The following APBB1IP variants were observed in gnomAD, a reference collection of about 807,000 sequenced individuals.
The protein encoded by APBB1IP is amyloid beta precursor protein binding family B member 1 interacting protein.
A neutral mutation model predicts 64.9 loss-of-function variants in APBB1IP; 27 were observed. The ratio of observed to expected loss-of-function variants is 0.42; its 90% CI spans 0.31 to 0.57. The LOEUF (loss-of-function observed/expected upper bound fraction) is 0.57. Among genes scored for constraint, APBB1IP ranks in the 20% least tolerant of loss-of-function variants. The pLI, the probability that APBB1IP is intolerant of heterozygous loss-of-function variation, is 0.20. For synonymous variants in APBB1IP, 392 were observed against 331.0 expected (o/e 1.18, Z -2.00); for missense variants, 812 against 845.5 (o/e 0.96, Z 0.49).
intron 11 of APBB1IP, among the ~76,000 whole-genome samples, chr10:26,543,466 C>CA (rs751555149): frequency 0.072 from 6,366 of 88,114 alleles, 429 homozygotes; most frequent in East Asian, 0.26. Flanking sequence ...GACTCTGTCT[C>CA]AAAAAAAAAA....
In APBB1IP at chr10:26,559,568, A is replaced by C. The variant is rs1836940183; in HGVS notation, c.1156-537A>C. ...AGCCAGGACAACTCTGCCTCTAAAA[A>C]CTTTTTTTAAAAAGATGTGCTTATG... is the stretch of plus-strand genomic sequence containing the variant. On this transcript the variant is annotated intron_variant, in intron 11 of 14. Transcript: ENST00000376236. 2.0e-5 allele frequency among the ~76,000 whole-genome samples: 3 copies of C among 151,616 alleles called. No homozygotes were observed. In the South Asian group the frequency reaches 6.2e-4, roughly 32 times the overall value.
At chr10:26,457,033 C>T (rs1349670719) in intron 2 of APBB1IP, among the ~76,000 whole-genome samples, 1 of 152,056 alleles carries the variant, frequency 6.6e-6, no homozygotes, top group Non-Finnish European at 1.5e-5. Context: ...GGCTATAGGT[C>T]AAGATAAATG....
intron 11 of APBB1IP, among the ~76,000 whole-genome samples, chr10:26,554,235 C>A (rs1190397196): frequency 6.6e-6 from 1 of 152,188 alleles, no homozygotes; most frequent in Non-Finnish European, 1.5e-5. Context: ...TAACAAACTG[C>A]TGGTAACTAG....
At chr10:26,560,059 A>C (rs778828242) in intron 11 of APBB1IP, 46 bp from the exon 12 acceptor site, 1 of 1,521,040 alleles carries the variant, frequency 6.6e-7, no homozygotes, top group East Asian at 2.3e-5. Context: ...TTGACCTCCT[A>C]ATACATGACA....
intron 13 of APBB1IP, among the ~76,000 whole-genome samples, chr10:26,561,362 C>T (rs1836970216): frequency 6.7e-6 from 1 of 149,024 alleles, no homozygotes; most frequent in Non-Finnish European, 1.5e-5. Flanking sequence ...ACCATTGCAC[C>T]TGGCCTGTTT....
chr10:26,482,093 A>C (rs533876693), intron 2 of APBB1IP, among the ~76,000 whole-genome samples: 194 of 152,134 alleles, frequency 1.3e-3, no homozygotes, highest in African/African-American at 4.5e-3. Flanking sequence ...TTTGTTTGTG[A>C]CTCACTGCAT....
chr10:26,493,600 T>C (rs1288515803), intron 3 of APBB1IP, among the ~76,000 whole-genome samples: 2 of 152,222 alleles, frequency 1.3e-5, no homozygotes, highest in Non-Finnish European at 2.9e-5. Flanking sequence ...CAACATTATA[T>C]AGTTCTGATA....
chr10:26,486,187 A>T (rs1835889140), intron 2 of APBB1IP, among the ~76,000 whole-genome samples: 1 of 152,240 alleles, frequency 6.6e-6, no homozygotes, highest in African/African-American at 2.4e-5. Flanking sequence ...TCTCCACTTC[A>T]TCATAAGCAG....
At chr10:26,541,406 A>T (rs1036556343) in intron 10 of APBB1IP, among the ~76,000 whole-genome samples, 176 bp from the exon 11 acceptor site, 4 of 152,162 alleles carry the variant, frequency 2.6e-5, no homozygotes, top group African/African-American at 9.7e-5. Flanking sequence ...TTTCCATTCC[A>T]ACCTTTCAGA....
intron 8 of APBB1IP, among the ~76,000 whole-genome samples, chr10:26,517,592 A>G (rs1408955761): frequency 2.0e-5 from 3 of 152,222 alleles, no homozygotes; most frequent in Admixed American, 6.5e-5. Context: ...GGCACAGGCC[A>G]TCACACCCGG....
Position 26,562,168 on chromosome 10 carries a change from T to C in APBB1IP, c.1370-158T>C, listed in dbSNP as rs574805622. 5.4e-5 allele frequency: 32 copies of C among 594,024 alleles called. No individual in the cohort carries two copies. In the South Asian group the frequency reaches 5.8e-4, roughly 11 times the overall value. The allele number at this position is 594,024 out of a possible 1,614,324, so 36.8% of individuals were successfully genotyped here. On this transcript the variant is annotated intron_variant, in intron 13 of 14. Transcript: ENST00000376236. ...ACCATGCCATGCCTGTGAGTTGCTC[T>C]CTTTGCTTTGTTTTTATTTTTGTTT...
intron 14 of APBB1IP, among the ~76,000 whole-genome samples, chr10:26,566,253 T>TAA (rs1415132525): frequency 6.6e-6 from 1 of 152,092 alleles, no homozygotes; most frequent in Non-Finnish European, 1.5e-5. Context: ...ACTCCATCTC[T>TAA]AAAAATATAT....
intron 4 of APBB1IP, among the ~76,000 whole-genome samples, chr10:26,499,215 A>G (rs1192483074): frequency 6.6e-6 from 1 of 151,954 alleles, no homozygotes; most frequent in Non-Finnish European, 1.5e-5. Flanking sequence ...ACAGTGAGCT[A>G]TGATCCTACC....
rs139549739 is a variant in APBB1IP at position 26,561,574 on chromosome 10, A to G, written c.1369+730A>G. The stretch of plus-strand genomic sequence containing the variant: ...TTTCTTATCAAAGTACAAACATTAT[A>G]TCAGTCCAAGGCTCCATTAGTGCCC... On this transcript the variant is annotated intron_variant, in intron 13 of 14. Coordinates refer to ENST00000376236, the MANE Select transcript of APBB1IP (RefSeq NM_019043.4). Among the ~76,000 whole-genome samples the G allele has an allele frequency of 3.3e-5, 5 of 152,212 alleles. No homozygotes were observed. In the East Asian group the frequency reaches 7.7e-4, roughly 24 times the overall value.
intron 6 of APBB1IP, among the ~76,000 whole-genome samples, chr10:26,510,263 C>T (rs1190790948): frequency 6.6e-6 from 1 of 152,106 alleles, no homozygotes; most frequent in East Asian, 1.9e-4. Context: ...CCACCATGCC[C>T]GGCTGAATCA....
At chr10:26,466,286 G>C (rs374325328) in intron 2 of APBB1IP, among the ~76,000 whole-genome samples, 6 of 152,110 alleles carry the variant, frequency 3.9e-5, no homozygotes, top group African/African-American at 1.4e-4. Context: ...TTGATGGGGG[G>C]ACTTCCAGAG....
chr10:26,465,288 C>T (rs1482675536), intron 2 of APBB1IP, among the ~76,000 whole-genome samples: 1 of 152,136 alleles, frequency 6.6e-6, no homozygotes, highest in Non-Finnish European at 1.5e-5. Flanking sequence ...GACAGGCACC[C>T]TTCATTGCTT....
chr10:26,456,870 A>T (rs1369777028), intron 2 of APBB1IP, among the ~76,000 whole-genome samples: 1 of 152,054 alleles, frequency 6.6e-6, no homozygotes, highest in Non-Finnish European at 1.5e-5. Context: ...TCCTGATAAG[A>T]TGTGGAAGAC....
At chr10:26,527,979 G>A (rs562354895) in intron 8 of APBB1IP, among the ~76,000 whole-genome samples, 63 of 152,106 alleles carry the variant, frequency 4.1e-4, no homozygotes, top group Non-Finnish European at 6.0e-4. Context: ...AACATGAGCC[G>A]CTGCGCCTGG....
Sources: allele counts gnomAD v4.1 joint callset (sites outside exome capture counted in the v4.1 genomes callset), GRCh38; gene constraint gnomAD v4.1.1; transcripts MANE v1.5; gene names NCBI Gene and HGNC (gene_info 2026-07-23, HGNC 2026-07-21).